Variants in B3GALT1 observed in about 807,000 individuals in gnomAD.
B3GALT1 encodes the protein beta-1,3-galactosyltransferase 1.
A neutral mutation model predicts 23.2 loss-of-function variants in B3GALT1; 10 were observed. The ratio of observed to expected loss-of-function variants is 0.43; its 90% CI spans 0.27 to 0.73. B3GALT1 has a LOEUF of 0.73. Ranked by LOEUF, B3GALT1 falls within the 30% of genes least tolerant of loss-of-function variation. The pLI, the probability that B3GALT1 is intolerant of heterozygous loss-of-function variation, is 0.21. For missense variants in B3GALT1, 299 were observed against 405.4 expected (o/e 0.74, Z 2.25); for synonymous variants, 156 against 141.5 (o/e 1.10, Z -0.73).
rs181583918 is a variant in B3GALT1, at chr2:167,356,801, G to C, written c.-511+63467G>C. Among the ~76,000 whole-genome samples, 195 of 151,810 alleles carry C rather than the reference G, an allele frequency of 1.3e-3. 3 individuals carry two copies. The highest frequency in any genetic ancestry group is 4.4e-3 in the African/African-American group (184 of 41,448). On this transcript the variant is annotated intron_variant, in intron 1 of 4. Transcript: ENST00000392690. Reference sequence around the variant, plus strand: ...TTAAATATATATAGTAATTAAATTTGTATATATTTAGACAGCAACATATTG... The same window carrying C: ...TTAAATATATATAGTAATTAAATTTCTATATATTTAGACAGCAACATATTG...
intron 4 of B3GALT1, among the ~76,000 whole-genome samples, chr2:167,840,774 C>G (rs13419583): frequency 0.03 from 4,474 of 147,472 alleles, 224 homozygotes; most frequent in African/African-American, 0.11. Context: ...TTGGAACCAA[C>G]CCAAATGTCC....
chr2:167,307,601 T>G (rs1411705961), intron 1 of B3GALT1, among the ~76,000 whole-genome samples: 1 of 152,066 alleles, frequency 6.6e-6, no homozygotes, highest in Non-Finnish European at 1.5e-5. Flanking sequence ...AGGACTTGCG[T>G]CTGCCCCAGC....
intron 1 of B3GALT1, among the ~76,000 whole-genome samples, chr2:167,338,370 G>T (rs149534883): frequency 6.6e-6 from 1 of 152,158 alleles, no homozygotes; most frequent in East Asian, 1.9e-4. Flanking sequence ...TACCTATCTG[G>T]ATCACTAACA....
At chr2:167,595,059 A>T (rs1053731145) in intron 2 of B3GALT1, among the ~76,000 whole-genome samples, 1 of 152,176 alleles carries the variant, frequency 6.6e-6, no homozygotes, top group Non-Finnish European at 1.5e-5. Flanking sequence ...TTTGCTTCTA[A>T]CTGGGTACAC....
At chr2:167,504,835 C>T (rs1468863373) in intron 2 of B3GALT1, among the ~76,000 whole-genome samples, 1 of 152,158 alleles carries the variant, frequency 6.6e-6, no homozygotes, top group Non-Finnish European at 1.5e-5. Context: ...CAGACCATAT[C>T]ATAAAGCCTG....
chr2:167,736,778 T>A (rs1005962299), intron 3 of B3GALT1, among the ~76,000 whole-genome samples: 1 of 151,916 alleles, frequency 6.6e-6, no homozygotes, highest in Non-Finnish European at 1.5e-5. Flanking sequence ...TATATACACA[T>A]GAAAAAGTAG....
At chr2:167,664,225 TC>T (rs1374010084) in intron 3 of B3GALT1, among the ~76,000 whole-genome samples, 1 of 150,926 alleles carries the variant, frequency 6.6e-6, no homozygotes, top group African/African-American at 2.5e-5. Context: ...GGGAATCCTT[TC>T]CCCATTGCTT....
At chr2:167,560,595 A>G (rs1031995953) in intron 2 of B3GALT1, among the ~76,000 whole-genome samples, 1 of 152,116 alleles carries the variant, frequency 6.6e-6, no homozygotes, top group African/African-American at 2.4e-5. Flanking sequence ...GGCTCAAAAT[A>G]AAAGGATGGA....
At chr2:167,811,248 C>G (rs1377864839) in intron 3 of B3GALT1, among the ~76,000 whole-genome samples, 1 of 152,178 alleles carries the variant, frequency 6.6e-6, no homozygotes, top group Non-Finnish European at 1.5e-5. Flanking sequence ...CTTTACCTAT[C>G]TTTGTTTTCC....
At chr2:167,449,110 A>T (rs1574083879) in intron 1 of B3GALT1, among the ~76,000 whole-genome samples, 2 of 151,436 alleles carry the variant, frequency 1.3e-5, no homozygotes, top group South Asian at 2.1e-4. Context: ...GAATTTTAGG[A>T]TTTTTTTTCT....
chr2:167,429,313 T>A (rs952921740), intron 1 of B3GALT1, among the ~76,000 whole-genome samples: 5 of 151,016 alleles, frequency 3.3e-5, no homozygotes, highest in Admixed American at 3.3e-4. Flanking sequence ...AGAAATGTTT[T>A]AAAAATTGGA....
chr2:167,666,075 T>A (rs1267881787), intron 3 of B3GALT1, among the ~76,000 whole-genome samples: 1 of 152,046 alleles, frequency 6.6e-6, no homozygotes, highest in Admixed American at 6.5e-5. Flanking sequence ...CTGCTTTCTC[T>A]TGTGGGCATT....
chr2:167,340,152 A>C (rs1697124276), intron 1 of B3GALT1, among the ~76,000 whole-genome samples: 1 of 152,142 alleles, frequency 6.6e-6, no homozygotes, highest in Non-Finnish European at 1.5e-5. Flanking sequence ...GGTACATGAG[A>C]TCAATAAATG....
At chr2:167,658,617 A>AT (rs914107640) in intron 3 of B3GALT1, among the ~76,000 whole-genome samples, 1 of 152,004 alleles carries the variant, frequency 6.6e-6, no homozygotes, top group African/African-American at 2.4e-5. Flanking sequence ...AGGGCTTTTA[A>AT]TTTTTTTGGA....
intron 4 of B3GALT1, among the ~76,000 whole-genome samples, chr2:167,842,418 T>C (rs1052503780): frequency 6.6e-6 from 1 of 152,208 alleles, no homozygotes; most frequent in African/African-American, 2.4e-5. Context: ...GAATGTATAC[T>C]GAAATAAATC....
At chr2:167,309,657 A>T (rs1696605278) in intron 1 of B3GALT1, among the ~76,000 whole-genome samples, 1 of 152,062 alleles carries the variant, frequency 6.6e-6, no homozygotes, top group South Asian at 2.1e-4. Flanking sequence ...TAACTCTAAG[A>T]ACCCAATTCA....
intron 1 of B3GALT1, among the ~76,000 whole-genome samples, chr2:167,464,903 A>G (rs968306125): frequency 5.9e-5 from 9 of 152,298 alleles, no homozygotes; most frequent in South Asian, 4.1e-4. Context: ...ATTCTGCTCA[A>G]TTGTTTATGT....
chr2:167,382,858 T>C (rs1393463491), intron 1 of B3GALT1, among the ~76,000 whole-genome samples: 1 of 152,184 alleles, frequency 6.6e-6, no homozygotes, highest in Non-Finnish European at 1.5e-5. Flanking sequence ...TTCATAGATA[T>C]CTCCTACCTT....
intron 1 of B3GALT1, among the ~76,000 whole-genome samples, chr2:167,467,661 G>T (rs943813840): frequency 2.0e-5 from 3 of 152,142 alleles, no homozygotes; most frequent in African/African-American, 7.2e-5. Flanking sequence ...ATGCCATTTT[G>T]TGTAGAATTT....
Sources: gnomAD v4.1 joint callset for allele counts (sites outside exome capture counted in the v4.1 genomes callset) on GRCh38, gnomAD v4.1.1 for gene constraint, MANE v1.5 for transcripts, NCBI Gene and HGNC (gene_info 2026-07-23, HGNC 2026-07-21) for gene names.